Variants in PLEK2 observed in about 807,000 individuals in gnomAD.
The protein encoded by PLEK2 is pleckstrin-2.
In PLEK2, 29 loss-of-function variants were observed where a neutral mutation model predicts 43.8. The ratio of observed to expected loss-of-function variants is 0.66; its 90% CI spans 0.49 to 0.90. The LOEUF is 0.90. Among genes scored for constraint, PLEK2 ranks in the 40% least tolerant of loss-of-function variants. The probability of loss-of-function intolerance (pLI) is 0.00; values close to 1 mark genes in which losing one functional copy is unlikely to be tolerated. For missense variants in PLEK2, 398 were observed against 448.1 expected (o/e 0.89, Z 1.01); for synonymous variants, 162 against 173.2 (o/e 0.94, Z 0.51).
At position 67,403,865 on chromosome 14, in the gene PLEK2, G is replaced by A. The variant is rs372375828; in HGVS notation, c.43-6039C>T. 2.6e-4 allele frequency among the ~76,000 whole-genome samples: 40 copies of A among 152,210 alleles called. No homozygotes were observed. The South Asian group carries it at 7.1e-3, about 27-fold the overall frequency. On this transcript the variant is annotated intron_variant, in intron 1 of 8. Coordinates refer to ENST00000216446, the MANE Select transcript of PLEK2 (RefSeq NM_016445.3). ...CCAGGAGTTCAAGACCAGTCTGGGCGCTATAGTGAGAAGTCATTTCTACAA... is the reference window on the plus strand; with the variant it reads ...CCAGGAGTTCAAGACCAGTCTGGGCACTATAGTGAGAAGTCATTTCTACAA...
chr14:67,393,175 TC>T lies in PLEK2; in HGVS notation c.455del (p.Gly152GlufsTer30). On this transcript the variant is annotated frameshift_variant, in exon 4 of 9. Coordinates refer to ENST00000216446, the MANE Select transcript of PLEK2 (RefSeq NM_016445.3). LOFTEE classifies it high-confidence loss of function. ...CGAGGAAGGTCTTTTTATAGGTGCTTCCCTGCTCCATGTTGGGGCTTGAACG... is the reference window on the plus strand; with the variant it reads ...CGAGGAAGGTCTTTTTATAGGTGCTTCCTGCTCCATGTTGGGGCTTGAACG... Reference protein sequence around the residue: ...GIRSSPNMEQGSTYKKTFLGS... With the variant: ...GIRSSPNMEQXSTYKKTFLGS... 1 of 1,613,718 alleles carries T rather than the reference TC, an allele frequency of 6.2e-7. No individual in the cohort carries two copies. Among genetic ancestry groups the T allele is most frequent in the African/African-American group, 1.3e-5 (1 of 75,030 alleles).
At chr14:67,394,565 TAGG>T (rs1555349213) in intron 3 of PLEK2, among the ~76,000 whole-genome samples, 2 of 151,910 alleles carry the variant, frequency 1.3e-5, no homozygotes, top group Non-Finnish European at 2.9e-5. Flanking sequence ...CCTAGACCCA[TAGG>T]AGGTGTACAG....
intron 6 of PLEK2, among the ~76,000 whole-genome samples, chr14:67,391,724 C>T (rs1000927481): frequency 3.8e-4 from 58 of 152,166 alleles, no homozygotes; most frequent in African/African-American, 1.3e-3. Flanking sequence ...CACAGAATAC[C>T]CTTTTTGTTA....
chr14:67,396,125 G>A (rs979674870), intron 2 of PLEK2, among the ~76,000 whole-genome samples: 5 of 151,768 alleles, frequency 3.3e-5, no homozygotes, highest in Non-Finnish European at 5.9e-5. Context: ...CATCCAGGTC[G>A]CTTTGTTTTT....
Position 67,392,340 on chromosome 14 carries a change from A to T in PLEK2, c.757T>A (p.Tyr253Asn), listed in dbSNP as rs781276214. ...AGCAGCCATACCTGCTTGGCCAGGTAGCCTTGTTTCACCACCGTGCCACTT... is the reference window on the plus strand; with the variant it reads ...AGCAGCCATACCTGCTTGGCCAGGTTGCCTTGTTTCACCACCGTGCCACTT... Reference protein sequence around the residue: ...ELSGTVVKQGYLAKQGHKRKN... With the variant: ...ELSGTVVKQGNLAKQGHKRKN... The change falls in exon 6 of 9, where the codon TAC (tyrosine) becomes AAC (asparagine). Residue 253 changes from tyrosine (Y) to asparagine (N), a missense_variant. By Grantham distance (143) the Tyr-to-Asn change is moderately radical (BLOSUM62 -2). Coordinates refer to ENST00000216446, the MANE Select transcript of PLEK2 (RefSeq NM_016445.3). 6.2e-7 allele frequency: 1 copy of T among 1,606,812 alleles called. No individual in the cohort carries two copies. The highest frequency in any genetic ancestry group is 8.5e-7 in the Non-Finnish European group (1 of 1,173,254).
At chr14:67,390,173 T>A (rs1340564165) in intron 7 of PLEK2, among the ~76,000 whole-genome samples, 2 of 152,276 alleles carry the variant, frequency 1.3e-5, no homozygotes, top group Non-Finnish European at 2.9e-5. Context: ...GATTTTTTTT[T>A]AATTTGCCAT....
At position 67,395,497 on chromosome 14, in the gene PLEK2, C is replaced by T; in HGVS notation, c.294G>A (p.Glu98=). 1 of 1,614,110 alleles carries T rather than the reference C, an allele frequency of 6.2e-7. No homozygotes were observed. The highest frequency in any genetic ancestry group is 1.1e-5 in the South Asian group (1 of 91,078). The part of the protein sequence containing the change: ...SREERDAWAF[E]ITGAIHAGQP... ...GCCCTGCATGAATAGCCCCGGTGAT[C>T]TCAAAGGCCCAGGCATCCCGCTCCT... The change falls in exon 3 of 9, where the codon GAG becomes GAA. Residue 98 remains glutamate, a synonymous_variant. Transcript: ENST00000216446.
intron 6 of PLEK2, 64 bp from the exon 7 acceptor site, chr14:67,390,810 A>T (rs1329476080): frequency 9.0e-7 from 1 of 1,106,018 alleles, no homozygotes; most frequent in Non-Finnish European, 1.4e-6. Context: ...TCCTGTATCT[A>T]TGCATGTAAT....
intron 1 of PLEK2, among the ~76,000 whole-genome samples, chr14:67,408,475 G>A (rs1345236910): frequency 3.3e-5 from 5 of 152,102 alleles, no homozygotes; most frequent in Non-Finnish European, 2.9e-5. Context: ...TGAAAATAGG[G>A]TCTTTGCAGA....
Position 67,397,838 on chromosome 14 carries a change from CAAG to C in PLEK2, c.43-15_43-13del. On this transcript the variant is annotated splice_polypyrimidine_tract_variant and intron_variant, in intron 1 of 8. Coordinates refer to ENST00000216446, the MANE Select transcript of PLEK2 (RefSeq NM_016445.3). ...TGGACAATGTGGCCCTATGGACAGA[CAAG>C]AAAGCCCTGAGGTGAGGCGGTCAGT... The C allele has an allele frequency of 1.3e-6, 2 of 1,599,692 alleles. No individual in the cohort carries two copies. The highest frequency in any genetic ancestry group is 1.7e-6 in the Non-Finnish European group (2 of 1,171,974).
In PLEK2 at chr14:67,392,326, C is replaced by T. The variant is rs1458249968; in HGVS notation, c.771G>A (p.Gln257=). The T allele has an allele frequency of 6.3e-7, 1 of 1,586,786 alleles. No homozygotes were observed. The highest frequency in any genetic ancestry group is 1.3e-5 in the African/African-American group (1 of 74,376). ...TCTTCCCTGCTCATAGCAGCCATAC[C>T]TGCTTGGCCAGGTAGCCTTGTTTCA... The part of the protein sequence containing the change: ...TVVKQGYLAK[Q]GHKRKNWKVR... The change falls in exon 6 of 9, where the codon CAG becomes CAA. Residue 257 remains glutamine (Q), a splice_region_variant and synonymous_variant. Coordinates refer to ENST00000216446, the MANE Select transcript of PLEK2 (RefSeq NM_016445.3).
chr14:67,392,667 T>G lies in PLEK2; in HGVS notation c.664A>C (p.Thr222Pro), dbSNP rs763496008. 2 of 1,609,590 alleles carry G rather than the reference T, an allele frequency of 1.2e-6. No individual in the cohort carries two copies. Among genetic ancestry groups the G allele is most frequent in the African/African-American group, 1.3e-5 (1 of 74,780 alleles). ...QFLDDSTALY[T>P]FAESYKKKIS... The stretch of plus-strand genomic sequence containing the variant: ...GAACCCACTCCCCAACTTACAAAAG[T>G]GTACAGGGCTGTGGAGTCATCCAGG... Residue 222 changes from threonine to proline, a missense_variant, in exon 5 of 9, where the codon ACT becomes CCT. Physicochemically the swap from Thr to Pro is conservative, Grantham distance 38 (BLOSUM62 -1). Transcript: ENST00000216446.
intron 1 of PLEK2, among the ~76,000 whole-genome samples, chr14:67,404,021 C>T (rs1307127331): frequency 1.3e-5 from 2 of 152,028 alleles, no homozygotes; most frequent in African/African-American, 4.8e-5. Context: ...CTACCACACT[C>T]TAGCCTGGGC....
At chr14:67,411,933 C>T (rs1337312231) in intron 1 of PLEK2, 85 bp downstream of exon 1, 7 of 1,273,082 alleles carry the variant, frequency 5.5e-6, no homozygotes, top group Admixed American at 4.7e-5. Flanking sequence ...ATGCCCGTTC[C>T]GGGGCGCGCG....
Position 67,390,694 on chromosome 14 carries a change from G to A in PLEK2, c.824C>T (p.Pro275Leu). 2 of 1,613,496 alleles carry A rather than the reference G, an allele frequency of 1.2e-6. No homozygotes were observed. The highest frequency in any genetic ancestry group is 1.7e-6 in the Non-Finnish European group (2 of 1,179,408). The stretch of plus-strand genomic sequence containing the variant: ...AGGGTCATAGTAATGCAGGAAAGCT[G>A]GATCCTTCCTTAGAACAAAGCGACG... The part of the protein sequence containing the change: ...KVRRFVLRKD[P>L]AFLHYYDPSK... The change falls in exon 7 of 9, where the codon CCA (proline) becomes CTA (leucine). Residue 275 changes from proline to leucine, a missense_variant. Pro to Leu is a moderately conservative substitution (Grantham distance 98). Transcript: ENST00000216446.
chr14:67,394,562 C>T (rs989157542), intron 3 of PLEK2, among the ~76,000 whole-genome samples: 1 of 152,026 alleles, frequency 6.6e-6, no homozygotes, highest in Non-Finnish European at 1.5e-5. Flanking sequence ...CCACCTAGAC[C>T]CATAGGAGGT....
intron 1 of PLEK2, among the ~76,000 whole-genome samples, chr14:67,402,881 T>C (rs2139882631): frequency 6.6e-6 from 1 of 152,326 alleles, no homozygotes; most frequent in Middle Eastern, 3.4e-3. Context: ...GCAACAGACA[T>C]GGGTGTGCAG....
At chr14:67,398,615 C>A (rs944470728) in intron 1 of PLEK2, among the ~76,000 whole-genome samples, 2 of 149,028 alleles carry the variant, frequency 1.3e-5, no homozygotes, top group African/African-American at 4.9e-5. Flanking sequence ...ATTCCTGCCA[C>A]CTGAGAACCA....
At chr14:67,388,597 A>G (rs1389026848) in intron 7 of PLEK2, among the ~76,000 whole-genome samples, 2 of 152,204 alleles carry the variant, frequency 1.3e-5, no homozygotes, top group East Asian at 1.9e-4. Context: ...CTCTGATCCA[A>G]TATGCTACCC....
Sources: gnomAD v4.1 joint callset for allele counts (sites outside exome capture counted in the v4.1 genomes callset) on GRCh38, gnomAD v4.1.1 for gene constraint, MANE v1.5 for transcripts, NCBI Gene and HGNC (gene_info 2026-07-23, HGNC 2026-07-21) for gene names.